The following DLEU7 variants were observed in gnomAD, a reference collection of about 807,000 sequenced individuals.
DLEU7 encodes the protein leukemia-associated protein 7.
A neutral mutation model predicts 16.0 loss-of-function variants in DLEU7; 17 were observed. That is an observed-to-expected ratio of 1.06 (90% CI 0.73 to 1.59). DLEU7 has a LOEUF of 1.59. DLEU7 is among the 40% of genes most tolerant of loss of function. The pLI is 0.00. For missense variants in DLEU7, 308 were observed against 314.9 expected (o/e 0.98, Z 0.17); for synonymous variants, 113 against 139.8 (o/e 0.81, Z 1.35).
chr13:50,829,933 T>C (rs1443433006), intron 1 of DLEU7, among the ~76,000 whole-genome samples: 3 of 152,206 alleles, frequency 2.0e-5, no homozygotes, highest in African/African-American at 7.2e-5. Flanking sequence ...AAATGGCTCA[T>C]GGGCTTTCAG....
chr13:50,832,873 C>G (rs9568478), intron 1 of DLEU7, among the ~76,000 whole-genome samples: 1 of 151,828 alleles, frequency 6.6e-6, no homozygotes, highest in Non-Finnish European at 1.5e-5. Flanking sequence ...GTTCTTTTGC[C>G]TTTGCTAAGG....
At chr13:50,815,336 C>T (rs11618519) in intron 1 of DLEU7, among the ~76,000 whole-genome samples, 2,705 of 151,276 alleles carry the variant, frequency 0.018, 38 homozygotes, top group East Asian at 0.037. Flanking sequence ...AAAATCTCTA[C>T]ACTCAAAGAT....
At chr13:50,733,262 C>T (rs1956501043) in intron 1 of DLEU7, among the ~76,000 whole-genome samples, 1 of 152,260 alleles carries the variant, frequency 6.6e-6, no homozygotes, top group South Asian at 2.1e-4. Context: ...TTTGAAAGCT[C>T]CTCAGGTGAT....
chr13:50,784,476 G>A (rs1315226855), intron 1 of DLEU7, among the ~76,000 whole-genome samples: 1 of 152,220 alleles, frequency 6.6e-6, no homozygotes, highest in African/African-American at 2.4e-5. Flanking sequence ...GGGAGGAGAA[G>A]CAATGGGAAT....
At chr13:50,831,214 A>G (rs1430503519) in intron 1 of DLEU7, among the ~76,000 whole-genome samples, 1 of 152,132 alleles carries the variant, frequency 6.6e-6, no homozygotes, top group Non-Finnish European at 1.5e-5. Flanking sequence ...CTTAGAATCT[A>G]ATTGGTGAGA....
chr13:50,789,945 CTTTTTTT>C (rs750516352), intron 1 of DLEU7, among the ~76,000 whole-genome samples: 1 of 70,298 alleles, frequency 1.4e-5, no homozygotes, highest in South Asian at 4.4e-4. Context: ...TTCTTTCTTT[CTTTTTTT>C]TTTTTTTGGG....
chr13:50,813,696 A>T (rs572917238), intron 1 of DLEU7, among the ~76,000 whole-genome samples: 21 of 152,264 alleles, frequency 1.4e-4, no homozygotes, highest in African/African-American at 5.1e-4. Flanking sequence ...CAATATATAT[A>T]TTTTAAATTG....
At chr13:50,798,117 A>G (rs1876151362) in intron 1 of DLEU7, among the ~76,000 whole-genome samples, 1 of 152,164 alleles carries the variant, frequency 6.6e-6, no homozygotes, top group Non-Finnish European at 1.5e-5. Context: ...GTGGTATGCC[A>G]TTTTGGACAC....
downstream of DLEU7, among the ~76,000 whole-genome samples, chr13:50,820,672 C>T (rs924643525): frequency 6.6e-6 from 1 of 151,950 alleles, no homozygotes; most frequent in Non-Finnish European, 1.5e-5. Flanking sequence ...TGTGGAAGAG[C>T]CTTCAGAGAG....
intron 1 of DLEU7, among the ~76,000 whole-genome samples, chr13:50,722,494 A>C (rs1873650907): frequency 6.6e-6 from 1 of 152,244 alleles, no homozygotes; most frequent in Non-Finnish European, 1.5e-5. Context: ...AAATGAACAA[A>C]TTACATTTTC....
At chr13:50,748,612 C>A (rs1479485103) in intron 1 of DLEU7, among the ~76,000 whole-genome samples, 1 of 151,928 alleles carries the variant, frequency 6.6e-6, no homozygotes, top group African/African-American at 2.4e-5. Context: ...CTAGTCCCAC[C>A]TTTTTTAAAG....
rs574893227 is a variant in DLEU7, at chr13:50,826,836, CACA to C, written c.460-3319_460-3317del. ...GACAAGACAGCAGCTGATTTCTCAC[CACA>C]ACAATAGAGAAGACAATGGAATAAT... is the stretch of plus-strand genomic sequence containing the variant. On this transcript the variant is annotated intron_variant, in intron 1 of 1. Transcript: ENST00000504404. 2.4e-4 allele frequency among the ~76,000 whole-genome samples: 36 copies of C among 152,204 alleles called. No individual in the cohort carries two copies. In the South Asian group the frequency reaches 7.0e-3, roughly 30 times the overall value.
chr13:50,831,631 A>G (rs539647428), intron 1 of DLEU7, among the ~76,000 whole-genome samples: 5 of 152,310 alleles, frequency 3.3e-5, no homozygotes, highest in African/African-American at 9.6e-5. Flanking sequence ...CAGCTTTTGA[A>G]GAACACTGGT....
intron 1 of DLEU7, among the ~76,000 whole-genome samples, chr13:50,792,446 T>C (rs1266407800): frequency 6.6e-6 from 1 of 152,122 alleles, no homozygotes; most frequent in Non-Finnish European, 1.5e-5. Context: ...CTTTAGCTAT[T>C]CCCTAAAATG....
At chr13:50,742,930 A>G (rs1282731398) in intron 1 of DLEU7, among the ~76,000 whole-genome samples, 1 of 152,174 alleles carries the variant, frequency 6.6e-6, no homozygotes, top group Non-Finnish European at 1.5e-5. Context: ...GAAAGAGTCT[A>G]GCACTGATAA....
rs185056656 is a variant in DLEU7, at chr13:50,718,337, C to T, written c.460-5097G>A. Among the ~76,000 whole-genome samples, 332 of 152,128 alleles carry T rather than the reference C, an allele frequency of 2.2e-3. 1 individual carries two copies. The highest frequency in any genetic ancestry group is 3.6e-3 in the Non-Finnish European group (243 of 68,004). Reference sequence around the variant, plus strand: ...TTGAGACAGTGGAACCATTTGGGTGCCATTTAAATTTAAAGAAGGAAATAG... The same window carrying T: ...TTGAGACAGTGGAACCATTTGGGTGTCATTTAAATTTAAAGAAGGAAATAG... On this transcript the variant is annotated intron_variant, in intron 1 of 1. Transcript: ENST00000400393.
intron 1 of DLEU7, among the ~76,000 whole-genome samples, chr13:50,814,722 TGA>T (rs1327777347): frequency 8.1e-5 from 12 of 147,950 alleles, no homozygotes; most frequent in African/African-American, 3.0e-4. Flanking sequence ...TGAAAACTGA[TGA>T]AAACAGTTTT....
intron 1 of DLEU7, among the ~76,000 whole-genome samples, chr13:50,721,579 C>CA (rs35707995): frequency 5.3e-5 from 8 of 150,716 alleles, no homozygotes; most frequent in Non-Finnish European, 1.2e-4. Flanking sequence ...ACCAAAATGG[C>CA]AAAAAAATGA....
At chr13:50,749,718 T>C (rs1352443853) in intron 1 of DLEU7, among the ~76,000 whole-genome samples, 1 of 149,506 alleles carries the variant, frequency 6.7e-6, no homozygotes, top group East Asian at 1.9e-4. Flanking sequence ...CATACATTTG[T>C]TTGGCCATTT....
Sources: gnomAD v4.1 joint callset for allele counts (sites outside exome capture counted in the v4.1 genomes callset) on GRCh38, gnomAD v4.1.1 for gene constraint, MANE v1.5 for transcripts, NCBI Gene and HGNC (gene_info 2026-07-23, HGNC 2026-07-21) for gene names.